The following CCSER1 variants were observed in gnomAD, a reference collection of about 807,000 sequenced individuals.
CCSER1 encodes the protein serine-rich coiled-coil domain-containing protein 1.
Under a neutral mutation model 82.0 loss-of-function variants are expected in CCSER1, and 41 were observed. The observed-to-expected ratio is 0.50, with a 90% confidence interval of 0.39 to 0.65. The LOEUF (loss-of-function observed/expected upper bound fraction) is 0.65, where lower values mean the gene tolerates loss of function less well. Ranked by LOEUF, CCSER1 falls within the 30% of genes least tolerant of loss-of-function variation. CCSER1 has a pLI of 0.00. For missense variants in CCSER1, 1,119 were observed against 1,064.2 expected (o/e 1.05, Z -0.72); for synonymous variants, 414 against 383.9 (o/e 1.08, Z -0.92).
At chr4:90,352,480 A>G (rs1250392920) in intron 3 of CCSER1, among the ~76,000 whole-genome samples, 2 of 152,064 alleles carry the variant, frequency 1.3e-5, no homozygotes. Context: ...CCTGGCCAAC[A>G]TGATGAAACC....
chr4:90,286,883 T>C (rs887960476), intron 1 of CCSER1, among the ~76,000 whole-genome samples: 10 of 152,012 alleles, frequency 6.6e-5, no homozygotes, highest in African/African-American at 2.4e-4. Flanking sequence ...CTTAAACTGC[T>C]ACAAAGAGGT....
At chr4:90,664,722 G>A (rs1228947160) in intron 6 of CCSER1, among the ~76,000 whole-genome samples, 1 of 152,044 alleles carries the variant, frequency 6.6e-6, no homozygotes, top group African/African-American at 2.4e-5. Flanking sequence ...CCAACATGGA[G>A]AAACCCCATC....
chr4:90,170,277 G>A (rs1478560426), intron 1 of CCSER1, among the ~76,000 whole-genome samples: 17 of 151,862 alleles, frequency 1.1e-4, no homozygotes, highest in Admixed American at 1.1e-3. Context: ...TGGTACTTGG[G>A]CATCCAAACA....
intron 6 of CCSER1, among the ~76,000 whole-genome samples, chr4:90,635,759 TAGA>T (rs1158978331): frequency 1.3e-5 from 2 of 151,814 alleles, no homozygotes; most frequent in Non-Finnish European, 3.0e-5. Context: ...TCAAAATAGC[TAGA>T]AGATTTGTAA....
At chr4:90,317,611 A>G (rs7669038) in intron 3 of CCSER1, among the ~76,000 whole-genome samples, 99,960 of 152,016 alleles carry the variant, frequency 0.66, 34,372 homozygotes, top group African/African-American at 0.86. Context: ...AACAAAGTGA[A>G]ACTCTGTCTC....
intron 1 of CCSER1, among the ~76,000 whole-genome samples, chr4:90,134,298 T>G (rs1328369303): frequency 6.6e-6 from 1 of 152,212 alleles, no homozygotes; most frequent in Non-Finnish European, 1.5e-5. Context: ...CTTCCTAATT[T>G]AACCAAGGGC....
intron 9 of CCSER1, among the ~76,000 whole-genome samples, chr4:90,982,676 A>G (rs575391521): frequency 1.3e-5 from 2 of 151,930 alleles, no homozygotes; most frequent in East Asian, 3.9e-4. Context: ...CCACACACTA[A>G]TATCAAAGTG....
rs1219049059 is a variant in CCSER1 at position 90,276,348 on chromosome 4, CT to C, written c.-41-31881del. Among the ~76,000 whole-genome samples, 674 of 91,504 alleles carry C rather than the reference CT, an allele frequency of 7.4e-3. 21 individuals are homozygous for C. Among genetic ancestry groups the C allele is most frequent in the African/African-American group, 0.027 (574 of 21,290 alleles). 60.0% of individuals were successfully genotyped at this position (91,504 alleles called of 152,430 possible). ...TTCTTTCTTTCTTTCTTCTTTCTTT[CT>C]TTTTTTTTTTTTTTGGAAACGGAGT... is the stretch of plus-strand genomic sequence containing the variant. On this transcript the variant is annotated intron_variant, in intron 1 of 10. Transcript: ENST00000509176.
intron 9 of CCSER1, among the ~76,000 whole-genome samples, chr4:91,018,491 C>T (rs867002076): frequency 1.3e-5 from 2 of 152,118 alleles, no homozygotes; most frequent in African/African-American, 4.8e-5. Context: ...GCAGAGTCAT[C>T]TTAGCTAAAA....
intron 8 of CCSER1, among the ~76,000 whole-genome samples, chr4:90,901,917 T>A (rs537656742): frequency 1.3e-5 from 2 of 152,178 alleles, no homozygotes; most frequent in African/African-American, 4.8e-5. Flanking sequence ...TCCTCATGAA[T>A]GCCAATATGT....
intron 6 of CCSER1, among the ~76,000 whole-genome samples, chr4:90,661,183 AC>A (rs1730705563): frequency 6.6e-6 from 1 of 152,162 alleles, no homozygotes; most frequent in Non-Finnish European, 1.5e-5. Context: ...ATTATAACTT[AC>A]CTACAGAATC....
chr4:91,526,443 G>A (rs893093412), intron 10 of CCSER1, among the ~76,000 whole-genome samples: 6 of 152,130 alleles, frequency 3.9e-5, no homozygotes, highest in Middle Eastern at 3.2e-3. Flanking sequence ...CCACCCTGGG[G>A]ACATGTTCTC....
chr4:91,162,289 T>C (rs1332792340), intron 10 of CCSER1, among the ~76,000 whole-genome samples: 1 of 152,200 alleles, frequency 6.6e-6, no homozygotes, highest in Non-Finnish European at 1.5e-5. Context: ...GTCGACTTCA[T>C]AGTGGTGGAT....
intron 10 of CCSER1, among the ~76,000 whole-genome samples, chr4:91,321,880 TA>T (rs1746224167): frequency 6.6e-6 from 1 of 152,110 alleles, no homozygotes; most frequent in Non-Finnish European, 1.5e-5. Context: ...ATTTCCATAG[TA>T]AAAGTTTTCC....
intron 3 of CCSER1, among the ~76,000 whole-genome samples, chr4:90,316,503 T>G (rs928882026): frequency 6.6e-6 from 1 of 152,202 alleles, no homozygotes; most frequent in Non-Finnish European, 1.5e-5. Flanking sequence ...CGGTCATGTT[T>G]CTTGAAATGC....
intron 9 of CCSER1, among the ~76,000 whole-genome samples, chr4:91,078,914 A>C (rs1396619520): frequency 6.6e-6 from 1 of 152,206 alleles, no homozygotes; most frequent in Non-Finnish European, 1.5e-5. Flanking sequence ...CCCTCCAAGA[A>C]ATATGGGACT....
intron 10 of CCSER1, among the ~76,000 whole-genome samples, chr4:91,402,538 T>G (rs1419340060): frequency 2.6e-5 from 4 of 152,340 alleles, no homozygotes; most frequent in African/African-American, 7.2e-5. Context: ...GTCTAACATT[T>G]AAGTCTTTAA....
chr4:91,203,825 C>T (rs1736126302), intron 10 of CCSER1, among the ~76,000 whole-genome samples: 1 of 151,678 alleles, frequency 6.6e-6, no homozygotes, highest in South Asian at 2.1e-4. Context: ...AGTGTTTTGA[C>T]CATACTGATT....
intron 10 of CCSER1, among the ~76,000 whole-genome samples, chr4:91,421,258 T>C (rs1323738484): frequency 6.6e-6 from 1 of 152,144 alleles, no homozygotes; most frequent in African/African-American, 2.4e-5. Context: ...GGATGAAAAG[T>C]CTCATGATAT....
Sources: allele counts gnomAD v4.1 joint callset (sites outside exome capture counted in the v4.1 genomes callset), GRCh38; gene constraint gnomAD v4.1.1; transcripts MANE v1.5; gene names NCBI Gene and HGNC (gene_info 2026-07-23, HGNC 2026-07-21).